The following AKAP19 variants were observed in gnomAD, a reference collection of about 807,000 sequenced individuals.
AKAP19 encodes the protein A-kinase anchoring protein 19.
the AKAP19 span, among the ~76,000 whole-genome samples, chr2:189,935,740 T>G: frequency 6.6e-6 from 1 of 152,144 alleles, no homozygotes; most frequent in Non-Finnish European, 1.5e-5. Context: ...ACATTTCACA[T>G]ACTTTTTCAG....
chr2:190,097,859 C>CAAAAAAAAAAAAAAAAAAAAA, the AKAP19 span, among the ~76,000 whole-genome samples: 12 of 64,404 alleles, frequency 1.9e-4, no homozygotes, highest in Admixed American at 4.2e-4. Flanking sequence ...TGGTTTCTAC[C>CAAAAAAAAAAAAAAAAAAAAA]AAAAAAAAAA....
At chr2:190,043,087 G>T in the AKAP19 span, among the ~76,000 whole-genome samples, 2 of 152,246 alleles carry the variant, frequency 1.3e-5, no homozygotes, top group South Asian at 4.2e-4. Flanking sequence ...GGTTCCCTTT[G>T]TAGGTGACCT....
chr2:189,959,366 C>A, the AKAP19 span, among the ~76,000 whole-genome samples: 1 of 152,026 alleles, frequency 6.6e-6, no homozygotes, highest in African/African-American at 2.4e-5. Context: ...GTGGTTACTT[C>A]CTTCATTAGA....
At chr2:190,066,643 C>T in the AKAP19 span, among the ~76,000 whole-genome samples, 3 of 152,070 alleles carry the variant, frequency 2.0e-5, no homozygotes, top group African/African-American at 7.2e-5. Flanking sequence ...ATTACCCATG[C>T]TTTTGATAGT....
the AKAP19 span, among the ~76,000 whole-genome samples, chr2:189,886,678 A>G: frequency 6.6e-6 from 1 of 152,220 alleles, no homozygotes. Context: ...ACTTGAGCTC[A>G]GCAATGAGGG....
the AKAP19 span, chr2:190,150,283 C>T: frequency 6.6e-6 from 1 of 152,290 alleles, no homozygotes; most frequent in Non-Finnish European, 1.5e-5. Flanking sequence ...AGATTTCCTT[C>T]TCCCTGTGGA....
chr2:190,153,607 T>G, the AKAP19 span, among the ~76,000 whole-genome samples: 2 of 152,190 alleles, frequency 1.3e-5, no homozygotes. Flanking sequence ...AAATCAAGAA[T>G]AGTTTTGGTT....
chr2:190,045,981 C>T, the AKAP19 span, among the ~76,000 whole-genome samples: 1 of 152,306 alleles, frequency 6.6e-6, no homozygotes, highest in East Asian at 1.9e-4. Context: ...TGCAAAGATC[C>T]GTGGGAGAAG....
chr2:189,931,051 C>G, the AKAP19 span: 3 of 502,596 alleles, frequency 6.0e-6, no homozygotes, highest in Non-Finnish European at 7.2e-6. Context: ...TGTGCACTGA[C>G]AGTCTTCTCT....
the AKAP19 span, among the ~76,000 whole-genome samples, chr2:190,029,199 T>G: frequency 0.012 from 1,784 of 152,060 alleles, 33 homozygotes; most frequent in African/African-American, 0.041. Flanking sequence ...ATTACAGGCA[T>G]GCACCACCTT....
the AKAP19 span, chr2:190,199,677 AAC>A: frequency 7.1e-7 from 1 of 1,402,992 alleles, no homozygotes; most frequent in Non-Finnish European, 9.3e-7. Context: ...TTCAAAATGA[AAC>A]CTACCTTCTC....
the AKAP19 span, among the ~76,000 whole-genome samples, chr2:190,040,464 G>T: frequency 6.6e-6 from 1 of 152,162 alleles, no homozygotes; most frequent in Non-Finnish European, 1.5e-5. Flanking sequence ...CCATTCTGTA[G>T]ATTGTCTGTT....
chr2:190,116,693 T>G, the AKAP19 span, among the ~76,000 whole-genome samples: 1 of 152,190 alleles, frequency 6.6e-6, no homozygotes, highest in Non-Finnish European at 1.5e-5. Context: ...TTTTATAAAT[T>G]TCCATTTCTC....
the AKAP19 span, among the ~76,000 whole-genome samples, chr2:190,069,175 T>TGTGAGAGAGAGA: frequency 1.8e-3 from 217 of 123,516 alleles, 1 homozygote; most frequent in African/African-American, 5.8e-3. Context: ...TGTGTGTGTG[T>TGTGAGAGAGAGA]GAGAGAGAGA....
the AKAP19 span, among the ~76,000 whole-genome samples, chr2:190,033,360 T>C: frequency 6.6e-6 from 1 of 152,100 alleles, no homozygotes; most frequent in African/African-American, 2.4e-5. Flanking sequence ...CTAAGGAAAG[T>C]CTGAAAAAAA....
the AKAP19 span, among the ~76,000 whole-genome samples, chr2:190,048,941 C>A: frequency 6.6e-6 from 1 of 151,962 alleles, no homozygotes; most frequent in Non-Finnish European, 1.5e-5. Flanking sequence ...ATAACTAAAT[C>A]ATAAAAGTAT....
chr2:189,959,133 A>G, the AKAP19 span, among the ~76,000 whole-genome samples: 1 of 152,062 alleles, frequency 6.6e-6, no homozygotes, highest in African/African-American at 2.4e-5. Context: ...TATGTTATAT[A>G]CTTTATAAAT....
At chr2:190,132,563 G>A in the AKAP19 span, among the ~76,000 whole-genome samples, 2 of 152,150 alleles carry the variant, frequency 1.3e-5, no homozygotes, top group South Asian at 4.1e-4. Flanking sequence ...ATAGTGTAGG[G>A]AAAACTGAAT....
At chr2:190,035,542 A>G in the AKAP19 span, among the ~76,000 whole-genome samples, 4 of 152,018 alleles carry the variant, frequency 2.6e-5, no homozygotes, top group African/African-American at 4.8e-5. Flanking sequence ...GGGCTACCCC[A>G]TGGGCTGTGT....
Sources: gnomAD v4.1 joint callset for allele counts (sites outside exome capture counted in the v4.1 genomes callset) on GRCh38, gnomAD v4.1.1 for gene constraint, MANE v1.5 for transcripts, NCBI Gene and HGNC (gene_info 2026-07-23, HGNC 2026-07-21) for gene names.